ETV6: variants seen among roughly 807,000 people sequenced by gnomAD.
ETV6 encodes the protein transcription factor ETV6.
A neutral mutation model predicts 51.1 loss-of-function variants in ETV6; 16 were observed. That is an observed-to-expected ratio of 0.31 (90% CI 0.21 to 0.48). The LOEUF (loss-of-function observed/expected upper bound fraction) is 0.48. ETV6 is among the 20% of genes least tolerant of loss of function. ETV6 has a pLI of 0.99. For missense variants in ETV6, 458 were observed against 594.8 expected (o/e 0.77, Z 2.39); for synonymous variants, 240 against 224.1 (o/e 1.07, Z -0.64).
intron 2 of ETV6, among the ~76,000 whole-genome samples, chr12:11,761,087 G>A (rs896345410): frequency 1.3e-5 from 2 of 152,026 alleles, no homozygotes; most frequent in Admixed American, 6.6e-5. Context: ...ATTTGAATCC[G>A]TATCTAATTC....
chr12:11,799,151 G>A (rs1022631588), intron 2 of ETV6, among the ~76,000 whole-genome samples: 5 of 152,206 alleles, frequency 3.3e-5, no homozygotes, highest in Admixed American at 3.3e-4. Context: ...AGAGGAAGAA[G>A]AGGAGACAGC....
intron 7 of ETV6, among the ~76,000 whole-genome samples, chr12:11,886,556 A>AAAATGT (rs1565568497): frequency 6.6e-6 from 1 of 152,156 alleles, no homozygotes; most frequent in African/African-American, 2.4e-5. Flanking sequence ...TTGATTCATG[A>AAAATGT]AAATGTTGTT....
At chr12:11,798,416 C>G (rs926332392) in intron 2 of ETV6, among the ~76,000 whole-genome samples, 1 of 152,152 alleles carries the variant, frequency 6.6e-6, no homozygotes, top group African/African-American at 2.4e-5. Flanking sequence ...CCAGTACTTA[C>G]ATTTTTCTCA....
chr12:11,878,128 G>A (rs1170511497), intron 5 of ETV6, among the ~76,000 whole-genome samples: 1 of 152,176 alleles, frequency 6.6e-6, no homozygotes, highest in Non-Finnish European at 1.5e-5. Flanking sequence ...CATATTTGGA[G>A]GGGATGAATA....
chr12:11,852,215 T>A (rs1468353605), intron 3 of ETV6, among the ~76,000 whole-genome samples: 2 of 152,198 alleles, frequency 1.3e-5, no homozygotes, highest in Non-Finnish European at 2.9e-5. Flanking sequence ...TGGGGTTTGT[T>A]TATTTTTTGC....
At chr12:11,686,164 T>G (rs1864624428) in intron 1 of ETV6, among the ~76,000 whole-genome samples, 1 of 152,236 alleles carries the variant, frequency 6.6e-6, no homozygotes, top group African/African-American at 2.4e-5. Flanking sequence ...GTGGATAGTT[T>G]TGCAATTTAT....
At chr12:11,853,374 T>A in intron 3 of ETV6, 53 bp from the exon 4 acceptor site, 1 of 1,609,348 alleles carries the variant, frequency 6.2e-7, no homozygotes, top group Non-Finnish European at 8.5e-7. Flanking sequence ...CGTAGATCGT[T>A]GTTGGAAAAA....
At chr12:11,799,458 T>G (rs1033541156) in intron 2 of ETV6, among the ~76,000 whole-genome samples, 2 of 152,196 alleles carry the variant, frequency 1.3e-5, no homozygotes, top group African/African-American at 4.8e-5. Context: ...ATCCAGGCAT[T>G]GGAGTTGGTG....
intron 1 of ETV6, among the ~76,000 whole-genome samples, chr12:11,689,687 G>A (rs1228360342): frequency 6.6e-6 from 1 of 151,992 alleles, no homozygotes; most frequent in Non-Finnish European, 1.5e-5. Context: ...GTTTGGGGAA[G>A]CGGGAGCTTT....
At chr12:11,784,886 T>G (rs1045682908) in intron 2 of ETV6, among the ~76,000 whole-genome samples, 87 of 146,912 alleles carry the variant, frequency 5.9e-4, no homozygotes, top group African/African-American at 2.2e-3. Flanking sequence ...TTTTTTTTTT[T>G]GGTAGAAATG....
chr12:11,715,346 T>C (rs1865254751), intron 1 of ETV6, among the ~76,000 whole-genome samples: 1 of 152,146 alleles, frequency 6.6e-6, no homozygotes, highest in Non-Finnish European at 1.5e-5. Flanking sequence ...AGGTATGAAA[T>C]GATTATCAGA....
chr12:11,752,416 C>G (rs765523134), intron 1 of ETV6, 34 bp from the exon 2 acceptor site: 1 of 1,592,962 alleles, frequency 6.3e-7, no homozygotes, highest in East Asian at 2.2e-5. Flanking sequence ...TTGTCTCTCT[C>G]CCCCTCCCCT....
At chr12:11,801,320 G>A (rs1945745899) in intron 2 of ETV6, among the ~76,000 whole-genome samples, 1 of 152,212 alleles carries the variant, frequency 6.6e-6, no homozygotes, top group East Asian at 1.9e-4. Context: ...CTATGACTTA[G>A]GGTAATTAGG....
chr12:11,735,452 T>C (rs1204852962), intron 1 of ETV6, among the ~76,000 whole-genome samples: 5 of 152,198 alleles, frequency 3.3e-5, no homozygotes. Flanking sequence ...GTTGTCTGTT[T>C]TGGAGTTTGA....
intron 1 of ETV6, among the ~76,000 whole-genome samples, chr12:11,737,263 A>AG (rs1231147582): frequency 6.6e-6 from 1 of 152,196 alleles, no homozygotes; most frequent in Admixed American, 6.5e-5. Context: ...CAGTCAGGAC[A>AG]GGGAGTCCTG....
intron 2 of ETV6, among the ~76,000 whole-genome samples, chr12:11,795,749 C>T (rs76658147): frequency 0.012 from 1,872 of 152,302 alleles, 38 homozygotes; most frequent in African/African-American, 0.043. Context: ...ATTCCAGTTC[C>T]GGCTCTGCTA....
intron 1 of ETV6, among the ~76,000 whole-genome samples, chr12:11,727,810 A>T (rs937824174): frequency 4.0e-5 from 6 of 151,430 alleles, no homozygotes; most frequent in African/African-American, 7.3e-5. Context: ...CCTTTTTTAA[A>T]TTTTTTTTTA....
At chr12:11,868,027 A>G (rs1001004777) in intron 4 of ETV6, among the ~76,000 whole-genome samples, 8 of 152,282 alleles carry the variant, frequency 5.3e-5, no homozygotes, top group African/African-American at 1.7e-4. Flanking sequence ...ACATGTCACC[A>G]GCTTGCAACT....
At position 11,894,795 on chromosome 12, in the gene ETV6, C is replaced by G. The variant is rs1947367666; in HGVS notation, c.*3749C>G. Reference sequence around the variant, plus strand: ...CTTGCCCTAGGAGCAGACAGCATGCCAAGAATGGAATTAGGCTCAGGATCC... The same window carrying G: ...CTTGCCCTAGGAGCAGACAGCATGCGAAGAATGGAATTAGGCTCAGGATCC... On this transcript the variant is annotated 3_prime_UTR_variant, in exon 8 of 8. Coordinates refer to ENST00000396373, the MANE Select transcript of ETV6 (RefSeq NM_001987.5). The G allele has an allele frequency of 4.3e-6, 1 of 233,286 alleles. No individual in the cohort carries two copies. The allele number at this position is 233,286 out of a possible 1,614,324, so 14.5% of individuals were successfully genotyped here.
Sources: gnomAD v4.1 joint callset for allele counts (sites outside exome capture counted in the v4.1 genomes callset) on GRCh38, gnomAD v4.1.1 for gene constraint, MANE v1.5 for transcripts, NCBI Gene and HGNC (gene_info 2026-07-23, HGNC 2026-07-21) for gene names.